SLC8A1: variants seen among roughly 807,000 people sequenced by gnomAD.
SLC8A1 encodes sodium/calcium exchanger 1.
A neutral mutation model predicts 68.3 loss-of-function variants in SLC8A1; 18 were observed. That is an observed-to-expected ratio of 0.26 (90% confidence interval 0.18 to 0.39). The LOEUF (loss-of-function observed/expected upper bound fraction) is 0.39. Ranked by LOEUF, SLC8A1 falls within the 10% of genes least tolerant of loss-of-function variation. The probability of loss-of-function intolerance (pLI) is 1.00; values close to 1 mark genes in which losing one functional copy is unlikely to be tolerated. For synonymous variants in SLC8A1, 475 were observed against 415.5 expected, an observed-to-expected ratio of 1.14 and a Z score of -1.74; for missense variants, 985 against 1,156.7, an observed-to-expected ratio of 0.85 and a Z score of 2.15.
chr2:40,303,099 C>T (rs1389076216), intron 2 of SLC8A1, among the ~76,000 whole-genome samples: 2 of 152,190 alleles, frequency 1.3e-5, no homozygotes, highest in African/African-American at 4.8e-5. Context: ...AGTTACTACA[C>T]ACTGCCAAAA....
intron 1 of SLC8A1, among the ~76,000 whole-genome samples, chr2:40,461,976 C>T (rs923505083): frequency 1.6e-5 from 2 of 126,920 alleles, no homozygotes; most frequent in African/African-American, 5.7e-5. Context: ...CGATGTTTAT[C>T]CTCTCATTTT....
At chr2:40,467,020 C>T (rs1703715749) in intron 1 of SLC8A1, among the ~76,000 whole-genome samples, 1 of 149,890 alleles carries the variant, frequency 6.7e-6, no homozygotes, top group South Asian at 2.1e-4. Context: ...TGACATAGAG[C>T]TTTAAAAGAT....
chr2:40,104,410 C>T (rs7581868), exon 8 of SLC8A1: 2 of 152,130 alleles, frequency 1.3e-5, no homozygotes, highest in Non-Finnish European at 1.5e-5. Context: ...GGTCTTGGCT[C>T]ATGGTAATCT....
intron 2 of SLC8A1, among the ~76,000 whole-genome samples, chr2:40,393,093 A>C (rs1402909210): frequency 6.6e-6 from 1 of 152,064 alleles, no homozygotes. Flanking sequence ...TCAGATTTTA[A>C]AAAATATGTA....
chr2:40,509,807 C>A (rs1483731608), intron 1 of SLC8A1, among the ~76,000 whole-genome samples: 1 of 137,040 alleles, frequency 7.3e-6, no homozygotes, highest in Non-Finnish European at 1.6e-5. Context: ...AGATCATTAA[C>A]AGCCTTTTTT....
At chr2:40,110,963 T>C (rs1473376157) in exon 8 of SLC8A1, 2 of 152,158 alleles carry the variant, frequency 1.3e-5, no homozygotes, top group Non-Finnish European at 2.9e-5. Flanking sequence ...CAGGGACCTT[T>C]TGCTGTGGAA....
At position 40,215,109 on chromosome 2, in the gene SLC8A1, C is replaced by A. The variant is rs60566289; in HGVS notation, c.1809-37254G>T. The stretch of plus-strand genomic sequence containing the variant: ...TTAATAGTTTCAATTCTTTTCTCTG[C>A]TAAAGTATTTATGAGTTGTAGCACA... On this transcript the variant is annotated intron_variant, in intron 2 of 7. Coordinates refer to ENST00000406785, the Ensembl canonical transcript of SLC8A1. 3.3e-5 allele frequency among the ~76,000 whole-genome samples: 5 copies of A among 152,032 alleles called. No homozygotes were observed. In the East Asian group the frequency reaches 9.6e-4, roughly 29 times the overall value.
chr2:40,177,820 T>C, exon 3 of SLC8A1: 1 of 1,551,210 alleles, frequency 6.4e-7, no homozygotes, highest in Non-Finnish European at 8.7e-7. Context: ...TTTCTCATAT[T>C]CCTCACGGTC....
chr2:40,170,233 A>G (rs780734678), intron 4 of SLC8A1, 48 bp downstream of exon 7: 2 of 1,535,676 alleles, frequency 1.3e-6, no homozygotes, highest in Non-Finnish European at 1.8e-6. Flanking sequence ...CTAACATTAA[A>G]GAACTCTGGG....
chr2:40,342,966 AACC>A, intron 2 of SLC8A1, among the ~76,000 whole-genome samples: 2 of 152,284 alleles, frequency 1.3e-5, no homozygotes, highest in Admixed American at 1.3e-4. Context: ...AAGAGATGGT[AACC>A]ACGATTCCAG....
At chr2:40,363,805 T>A (rs1055229858) in intron 2 of SLC8A1, among the ~76,000 whole-genome samples, 1 of 152,074 alleles carries the variant, frequency 6.6e-6, no homozygotes, top group East Asian at 1.9e-4. Flanking sequence ...ATTTGGGCCC[T>A]GAGTTATAAC....
chr2:40,477,716 TTA>T (rs1245963342), intron 1 of SLC8A1, among the ~76,000 whole-genome samples: 3 of 152,060 alleles, frequency 2.0e-5, no homozygotes, highest in Admixed American at 6.6e-5. Context: ...TTTGTGTGAG[TTA>T]TATGAGTGTG....
intron 1 of SLC8A1, among the ~76,000 whole-genome samples, chr2:40,489,082 C>T (rs1705156202): frequency 6.6e-6 from 1 of 152,056 alleles, no homozygotes; most frequent in African/African-American, 2.4e-5. Context: ...ACTACTTTAC[C>T]AACATTCTGT....
chr2:40,223,444 G>C (rs979144992), intron 2 of SLC8A1, among the ~76,000 whole-genome samples: 4 of 152,114 alleles, frequency 2.6e-5, no homozygotes, highest in Non-Finnish European at 2.9e-5. Flanking sequence ...ACAGCAAACC[G>C]TCATGGCACG....
At chr2:40,385,105 T>G (rs749225322) in intron 2 of SLC8A1, among the ~76,000 whole-genome samples, 1 of 152,138 alleles carries the variant, frequency 6.6e-6, no homozygotes, top group South Asian at 2.1e-4. Flanking sequence ...ACTCTTATAG[T>G]ACTTTTGATC....
chr2:40,509,437 ATTTTTTTT>A (rs367549288), intron 1 of SLC8A1, among the ~76,000 whole-genome samples: 7 of 113,754 alleles, frequency 6.2e-5, no homozygotes, highest in Non-Finnish European at 1.2e-4. Context: ...GGGATTTGGA[ATTTTTTTT>A]TTTTTTTTTT....
rs548178682 is a variant in SLC8A1, at chr2:40,464,501, G to A, written c.-24-34197C>T. ...TCTCCTCTTTGAGGTAAAGGGAAGA[G>A]GTTCCAAAAGAATTGCTTTAAAGAT... On this transcript the variant is annotated intron_variant, in intron 1 of 7. Transcript: ENST00000402441. Among the ~76,000 whole-genome samples, 3 of 152,318 alleles carry A rather than the reference G, an allele frequency of 2.0e-5. No homozygotes were observed. The East Asian group carries it at 5.8e-4, about 29-fold the overall frequency.
chr2:40,476,172 T>C (rs760447684), intron 1 of SLC8A1, among the ~76,000 whole-genome samples: 36 of 152,234 alleles, frequency 2.4e-4, no homozygotes, highest in Admixed American at 4.6e-4. Flanking sequence ...TTTCTATTCA[T>C]ATATTCCTCA....
In SLC8A1 at chr2:40,277,790, G is replaced by A. The variant is rs866372950; in HGVS notation, c.1809-99935C>T. Among the ~76,000 whole-genome samples, 167 of 58,222 alleles carry A rather than the reference G, an allele frequency of 2.9e-3. 1 individual carries two copies. In the South Asian group the frequency reaches 0.037, roughly 13 times the overall value. The allele number at this position is 58,222 out of a possible 152,430, so 38.2% of individuals were successfully genotyped here. A position where few individuals can be genotyped will look rare whatever the true frequency, so the allele number is the denominator to read the frequency against. ...AACATATGTATAAATATATATATAT[G>A]TGTGTATATATATATATATATATAT... On this transcript the variant is annotated intron_variant, in intron 2 of 7. Transcript: ENST00000406785.
Sources: gnomAD v4.1 joint callset for allele counts (sites outside exome capture counted in the v4.1 genomes callset) on GRCh38, gnomAD v4.1.1 for gene constraint, MANE v1.5 for transcripts, NCBI Gene and HGNC (gene_info 2026-07-23, HGNC 2026-07-21) for gene names.